STK38L: variants seen among roughly 807,000 people sequenced by gnomAD.
STK38L encodes the protein serine/threonine-protein kinase 38-like.
A neutral mutation model predicts 59.7 loss-of-function variants in STK38L; 28 were observed. That is an observed-to-expected ratio of 0.47 (90% CI 0.35 to 0.64). The LOEUF (loss-of-function observed/expected upper bound fraction) is 0.64, where lower values mean the gene tolerates loss of function less well. Among genes scored for constraint, STK38L ranks in the 30% least tolerant of loss-of-function variants. The pLI, the probability that STK38L is intolerant of heterozygous loss-of-function variation, is 0.01. For synonymous variants in STK38L, 162 were observed against 176.8 expected, an observed-to-expected ratio of 0.92 and a Z score of 0.66; for missense variants, 314 against 555.8, an observed-to-expected ratio of 0.56 and a Z score of 4.37.
At chr12:27,317,058 C>T (rs1004601960) in intron 9 of STK38L, among the ~76,000 whole-genome samples, 1 of 152,034 alleles carries the variant, frequency 6.6e-6, no homozygotes, top group African/African-American at 2.4e-5. Context: ...AAATGCCTGG[C>T]ACATATGGAC....
At chr12:27,268,773 A>ATT (rs1332483884) in intron 1 of STK38L, among the ~76,000 whole-genome samples, 1 of 152,136 alleles carries the variant, frequency 6.6e-6, no homozygotes, top group Non-Finnish European at 1.5e-5. Context: ...CATCCTCTCC[A>ATT]GCACCTGTTG....
intron 1 of STK38L, among the ~76,000 whole-genome samples, chr12:27,279,534 G>A (rs896892434): frequency 2.6e-5 from 4 of 151,960 alleles, no homozygotes; most frequent in African/African-American, 9.7e-5. Flanking sequence ...AGACCACCCT[G>A]GCCAACATGG....
chr12:27,263,163 G>A (rs1943237153), intron 1 of STK38L, among the ~76,000 whole-genome samples: 1 of 152,132 alleles, frequency 6.6e-6, no homozygotes, highest in South Asian at 2.1e-4. Flanking sequence ...AAAGGATAAT[G>A]TATATAGAAA....
At chr12:27,246,653 AG>A (rs1218296272) in intron 1 of STK38L, among the ~76,000 whole-genome samples, 1 of 152,224 alleles carries the variant, frequency 6.6e-6, no homozygotes, top group African/African-American at 2.4e-5. Flanking sequence ...GTCTTTGGTT[AG>A]TTTATAAACA....
intron 1 of STK38L, among the ~76,000 whole-genome samples, chr12:27,291,286 G>C (rs540947725): frequency 1.3e-5 from 2 of 152,100 alleles, no homozygotes; most frequent in South Asian, 4.2e-4. Flanking sequence ...TCAGTCTATC[G>C]GTATGCTTAA....
intron 1 of STK38L, among the ~76,000 whole-genome samples, chr12:27,278,583 T>G (rs1469557743): frequency 6.6e-6 from 1 of 152,214 alleles, no homozygotes; most frequent in Non-Finnish European, 1.5e-5. Flanking sequence ...ATGAAACTGT[T>G]AGCTTAGTTG....
chr12:27,257,721 A>T (rs541745979), intron 1 of STK38L, among the ~76,000 whole-genome samples: 7 of 152,276 alleles, frequency 4.6e-5, no homozygotes, highest in African/African-American at 1.7e-4. Flanking sequence ...ATTTCTCCAG[A>T]TATGAGCCAA....
intron 11 of STK38L, among the ~76,000 whole-genome samples, chr12:27,318,528 A>T (rs1052030267): frequency 6.6e-6 from 1 of 152,174 alleles, no homozygotes; most frequent in Non-Finnish European, 1.5e-5. Context: ...CAGAAGTTCT[A>T]CTTCTAGGGA....
chr12:27,272,454 G>A (rs1943443921), intron 1 of STK38L, among the ~76,000 whole-genome samples: 1 of 152,148 alleles, frequency 6.6e-6, no homozygotes, highest in African/African-American at 2.4e-5. Flanking sequence ...TTCCCCTCAA[G>A]GAAGGACTGG....
At chr12:27,305,774 C>T (rs568503404) in intron 3 of STK38L, among the ~76,000 whole-genome samples, 3 of 152,254 alleles carry the variant, frequency 2.0e-5, no homozygotes, top group African/African-American at 7.2e-5. Flanking sequence ...TCCCATCCAA[C>T]ATGGAATGTT....
intron 1 of STK38L, among the ~76,000 whole-genome samples, chr12:27,288,693 A>G (rs960250476): frequency 6.6e-6 from 1 of 151,524 alleles, no homozygotes; most frequent in Non-Finnish European, 1.5e-5. Context: ...TATGAATAAC[A>G]TAAAGATATA....
chr12:27,254,442 G>A (rs1943043393), intron 1 of STK38L, among the ~76,000 whole-genome samples: 1 of 152,140 alleles, frequency 6.6e-6, no homozygotes, highest in Non-Finnish European at 1.5e-5. Context: ...AGACCTGTAT[G>A]TGCAAATCGT....
chr12:27,258,115 C>A (rs536094327), intron 1 of STK38L, among the ~76,000 whole-genome samples: 3 of 148,364 alleles, frequency 2.0e-5, no homozygotes, highest in Admixed American at 6.6e-5. Context: ...CCTCTGCCTC[C>A]CAAAGTGTTA....
At chr12:27,295,236 A>G (rs923476864) in intron 1 of STK38L, among the ~76,000 whole-genome samples, 2 of 152,258 alleles carry the variant, frequency 1.3e-5, no homozygotes, top group African/African-American at 2.4e-5. Flanking sequence ...CTAGGTGCCT[A>G]GAATAGTATC....
chr12:27,302,730 G>A (rs1944205130), intron 3 of STK38L, among the ~76,000 whole-genome samples: 2 of 151,958 alleles, frequency 1.3e-5, no homozygotes, highest in Admixed American at 1.3e-4. Context: ...TTTAACATTG[G>A]TATACCTGGG....
chr12:27,321,854 C>G (rs1454672948), intron 12 of STK38L, among the ~76,000 whole-genome samples: 1 of 151,996 alleles, frequency 6.6e-6, no homozygotes, highest in Admixed American at 6.6e-5. Context: ...TGCTTATTAC[C>G]CATTTCATGC....
In STK38L at chr12:27,324,442, TA is replaced by T. The variant is rs756512948; in HGVS notation, c.*1988del. 15 of 152,146 alleles carry T rather than the reference TA, an allele frequency of 9.9e-5. No homozygotes were observed. Among genetic ancestry groups the T allele is most frequent in the Non-Finnish European group, 2.1e-4 (14 of 67,960 alleles). 9.4% of individuals were successfully genotyped at this position (152,146 alleles called of 1,614,324 possible). ...AGATAATTGCAACATTGTCTAGTTC[TA>T]GTATGGTAACTATTCTTGAAATGGT... On this transcript the variant is annotated 3_prime_UTR_variant, in exon 14 of 14. Transcript: ENST00000389032.
intron 1 of STK38L, among the ~76,000 whole-genome samples, chr12:27,271,788 C>T (rs1943428969): frequency 6.6e-6 from 1 of 152,208 alleles, no homozygotes; most frequent in Non-Finnish European, 1.5e-5. Flanking sequence ...CATCTTCCGC[C>T]TCATGAGTTC....
chr12:27,314,610 T>C lies in STK38L; in HGVS notation c.624T>C (p.Gly208=), dbSNP rs1308255746. ...VLAIDAIHQL[G]FIHRDIKPDN... Reference sequence around the variant, plus strand: ...CAATAGATGCGATCCACCAGTTGGGTTTCATCCATCGGGATATTAAGCCAG... The same window carrying C: ...CAATAGATGCGATCCACCAGTTGGGCTTCATCCATCGGGATATTAAGCCAG... Residue 208 remains glycine (G), a synonymous_variant, in exon 7 of 14, where the codon GGT becomes GGC. Coordinates refer to ENST00000389032, the MANE Select transcript of STK38L (RefSeq NM_015000.4). 1.9e-6 allele frequency: 3 copies of C among 1,608,850 alleles called. No individual in the cohort carries two copies. Among genetic ancestry groups the C allele is most frequent in the Non-Finnish European group, 2.5e-6 (3 of 1,177,738 alleles).
Sources: allele counts gnomAD v4.1 joint callset (sites outside exome capture counted in the v4.1 genomes callset), GRCh38; gene constraint gnomAD v4.1.1; transcripts MANE v1.5; gene names NCBI Gene and HGNC (gene_info 2026-07-23, HGNC 2026-07-21).